Variants in SLIT2 observed in about 807,000 individuals in gnomAD.
The protein encoded by SLIT2 is slit guidance ligand 2.
Under a neutral mutation model 185.7 loss-of-function variants are expected in SLIT2, and 41 were observed. The observed-to-expected ratio is 0.22, with a 90% CI of 0.17 to 0.29. The LOEUF (loss-of-function observed/expected upper bound fraction) is 0.29. Among genes scored for constraint, SLIT2 ranks in the 10% least tolerant of loss-of-function variants. The probability of loss-of-function intolerance (pLI) is 1.00; values close to 1 mark genes in which losing one functional copy is unlikely to be tolerated. For synonymous variants in SLIT2, 693 were observed against 680.2 expected (o/e 1.02, Z -0.29); for missense variants, 1,571 against 1,909.0 (o/e 0.82, Z 3.30).
intron 4 of SLIT2, among the ~76,000 whole-genome samples, chr4:20,453,211 T>G (rs559879593): frequency 2.0e-4 from 30 of 152,312 alleles, no homozygotes; most frequent in Non-Finnish European, 4.0e-4. Context: ...CTGTATATGA[T>G]GGATTTAAAT....
chr4:20,495,919 G>A (rs1301299004), intron 9 of SLIT2, among the ~76,000 whole-genome samples: 2 of 151,862 alleles, frequency 1.3e-5, no homozygotes, highest in Non-Finnish European at 2.9e-5. Flanking sequence ...TATTAAATGT[G>A]GAAATATCTT....
In SLIT2 at chr4:20,352,063, T is replaced by C. The variant is rs1721924681; in HGVS notation, c.395+83182T>C. On this transcript the variant is annotated intron_variant, in intron 4 of 36. Coordinates refer to ENST00000504154, the MANE Select transcript of SLIT2 (RefSeq NM_004787.4). ...TATCTGCTGCTTGTTAAATAGATTC[T>C]CAGTTTATGCTGGCAAAGTGTCAGT... Among the ~76,000 whole-genome samples, 3 of 152,326 alleles carry C rather than the reference T, an allele frequency of 2.0e-5. No individual in the cohort carries two copies. In the South Asian group the frequency reaches 6.2e-4, roughly 32 times the overall value.
At chr4:20,329,642 A>G (rs974378055) in intron 4 of SLIT2, among the ~76,000 whole-genome samples, 10 of 152,104 alleles carry the variant, frequency 6.6e-5, no homozygotes, top group African/African-American at 2.2e-4. Context: ...TGGATTGGAA[A>G]GTGGATTTTG....
chr4:20,479,018 T>C (rs1357297697), intron 5 of SLIT2, among the ~76,000 whole-genome samples: 1 of 152,206 alleles, frequency 6.6e-6, no homozygotes, highest in African/African-American at 2.4e-5. Flanking sequence ...TTATTTAGGC[T>C]ATTATAATAG....
At chr4:20,355,414 G>GA (rs1052385162) in intron 4 of SLIT2, among the ~76,000 whole-genome samples, 9 of 151,708 alleles carry the variant, frequency 5.9e-5, no homozygotes, top group South Asian at 4.2e-4. Context: ...CATGTAATGA[G>GA]AAAAAAAACA....
At chr4:20,324,012 A>G (rs1719326547) in intron 4 of SLIT2, among the ~76,000 whole-genome samples, 1 of 152,180 alleles carries the variant, frequency 6.6e-6, no homozygotes, top group South Asian at 2.1e-4. Context: ...GCAGACCACT[A>G]AACACTTAAA....
chr4:20,401,885 T>C (rs1201669417), intron 4 of SLIT2, among the ~76,000 whole-genome samples: 1 of 151,968 alleles, frequency 6.6e-6, no homozygotes, highest in Non-Finnish European at 1.5e-5. Flanking sequence ...ATAAAAATTA[T>C]TGTTTTATCA....
intron 4 of SLIT2, among the ~76,000 whole-genome samples, chr4:20,444,380 G>A (rs919329669): frequency 6.6e-6 from 1 of 151,304 alleles, no homozygotes; most frequent in African/African-American, 2.4e-5. Flanking sequence ...TTTGTTGAAG[G>A]TTGTTTCTTA....
Position 20,316,537 on chromosome 4 carries a change from A to G in SLIT2, c.395+47656A>G, listed in dbSNP as rs1295344773. Among the ~76,000 whole-genome samples, 4 of 151,946 alleles carry G rather than the reference A, an allele frequency of 2.6e-5. No homozygotes were observed. In the South Asian group the frequency reaches 6.2e-4, roughly 24 times the overall value. On this transcript the variant is annotated intron_variant, in intron 4 of 36. Transcript: ENST00000504154. ...TAACAGGTCTCACATAAAGTCATCT[A>G]CTAAAAACACTTCCATTCTTTAAGT...
In SLIT2 at chr4:20,344,101, G is replaced by A. The variant is rs150961507; in HGVS notation, c.395+75220G>A. On this transcript the variant is annotated intron_variant, in intron 4 of 36. Coordinates refer to ENST00000504154, the MANE Select transcript of SLIT2 (RefSeq NM_004787.4). ...CCTGACCTTGTGATCCACTCACCTC[G>A]GACTCCCAAAGTGTGGGATTACAGG... Among the ~76,000 whole-genome samples the A allele has an allele frequency of 1.8e-3, 277 of 152,168 alleles. 1 individual carries two copies. The highest frequency in any genetic ancestry group is 6.2e-3 in the African/African-American group (256 of 41,512).
At chr4:20,349,648 A>G (rs1262954573) in intron 4 of SLIT2, among the ~76,000 whole-genome samples, 3 of 152,212 alleles carry the variant, frequency 2.0e-5, no homozygotes, top group Non-Finnish European at 2.9e-5. Context: ...CGAAAGCCCC[A>G]TGAATTCCCC....
At chr4:20,312,873 A>T (rs540575740) in intron 4 of SLIT2, among the ~76,000 whole-genome samples, 1 of 151,870 alleles carries the variant, frequency 6.6e-6, no homozygotes, top group African/African-American at 2.4e-5. Flanking sequence ...TATAAAATAG[A>T]TTTTCTTGCT....
At chr4:20,333,141 C>G (rs1172097097) in intron 4 of SLIT2, among the ~76,000 whole-genome samples, 1 of 151,976 alleles carries the variant, frequency 6.6e-6, no homozygotes, top group African/African-American at 2.4e-5. Flanking sequence ...GAGGAGAATA[C>G]CCTTATACAT....
intron 9 of SLIT2, among the ~76,000 whole-genome samples, chr4:20,508,667 A>T (rs1719425862): frequency 6.6e-6 from 1 of 152,110 alleles, no homozygotes; most frequent in Non-Finnish European, 1.5e-5. Flanking sequence ...GCAAAAAAAC[A>T]CTAAAGTAAA....
chr4:20,344,489 A>G (rs140402865), intron 4 of SLIT2, among the ~76,000 whole-genome samples: 28 of 152,266 alleles, frequency 1.8e-4, no homozygotes, highest in African/African-American at 6.5e-4. Context: ...GCTAGCAAAA[A>G]TTTTGATGTT....
intron 34 of SLIT2, 170 bp from the exon 35 acceptor site, chr4:20,616,740 A>G (rs1729683212): frequency 3.2e-6 from 2 of 622,888 alleles, no homozygotes; most frequent in East Asian, 2.9e-5. Flanking sequence ...ACAGAACAAA[A>G]CAAAAACACA....
At chr4:20,355,987 A>G (rs746525869) in intron 4 of SLIT2, among the ~76,000 whole-genome samples, 1 of 152,180 alleles carries the variant, frequency 6.6e-6, no homozygotes, top group Non-Finnish European at 1.5e-5. Context: ...AAAAAATATA[A>G]TTTAAATACA....
At chr4:20,490,905 C>T (rs2148796351) in intron 8 of SLIT2, 2 of 982,516 alleles carry the variant, frequency 2.0e-6, no homozygotes, top group South Asian at 2.8e-5. Context: ...CTTGCAGCCT[C>T]TTCCTGGCAC....
intron 22 of SLIT2, among the ~76,000 whole-genome samples, chr4:20,548,171 G>A (rs967714037): frequency 1.3e-4 from 20 of 152,196 alleles, no homozygotes; most frequent in African/African-American, 2.9e-4. Flanking sequence ...GGAGATGGGC[G>A]CAGAGGGATA....
Sources: allele counts gnomAD v4.1 joint callset (sites outside exome capture counted in the v4.1 genomes callset), GRCh38; gene constraint gnomAD v4.1.1; transcripts MANE v1.5; gene names NCBI Gene and HGNC (gene_info 2026-07-23, HGNC 2026-07-21).